The following USH2A variants were observed in gnomAD, a reference collection of about 807,000 sequenced individuals.
USH2A encodes the protein usherin, also known as Usher syndrome 2A (autosomal recessive, mild).
A neutral mutation model predicts 538.9 loss-of-function variants in USH2A; 443 were observed. The observed-to-expected ratio is 0.82, with a 90% CI of 0.76 to 0.89. The LOEUF is 0.89. USH2A is among the 40% of genes least tolerant of loss of function. The probability of loss-of-function intolerance (pLI) is 0.00; values close to 1 mark genes in which losing one functional copy is unlikely to be tolerated. For missense variants in USH2A, 6,633 were observed against 6,324.8 expected (o/e 1.05, Z -1.65); for synonymous variants, 2,413 against 2,273.5 (o/e 1.06, Z -1.75).
At chr1:216,097,574 A>G (rs574581537) in intron 21 of USH2A, among the ~76,000 whole-genome samples, 138 of 152,240 alleles carry the variant, frequency 9.1e-4, no homozygotes, top group Non-Finnish European at 1.7e-3. Context: ...ACAAGAGTGA[A>G]AGAAACACAG....
At chr1:215,800,807 A>G (rs11120638) in intron 49 of USH2A, among the ~76,000 whole-genome samples, 13,556 of 152,158 alleles carry the variant, frequency 0.089, 639 homozygotes, top group East Asian at 0.19. Flanking sequence ...CTAGAAACAT[A>G]CAACTTACCA....
Position 215,922,341 on chromosome 1 carries a change from A to G in USH2A, c.7300+12275T>C, listed in dbSNP as rs75826715. On this transcript the variant is annotated intron_variant, in intron 38 of 71. Coordinates refer to ENST00000307340, the MANE Select transcript of USH2A (RefSeq NM_206933.4). ...CCACAGGTAGAACTCAACATCTGGA[A>G]TTGGTTATCTTTGGTATCTGTTCCT... Among the ~76,000 whole-genome samples the G allele has an allele frequency of 7.8e-3, 1,193 of 152,184 alleles. 10 individuals are homozygous for G. Among genetic ancestry groups the G allele is most frequent in the African/African-American group, 0.027 (1,113 of 41,546 alleles).
At chr1:215,910,542 CATAAT>C (rs1665755135) in intron 38 of USH2A, among the ~76,000 whole-genome samples, 1 of 147,588 alleles carries the variant, frequency 6.8e-6, no homozygotes, top group African/African-American at 2.6e-5. Flanking sequence ...ATAATATATA[CATAAT>C]ATAATAAAGT....
At chr1:216,146,547 C>G (rs1274895156) in intron 21 of USH2A, among the ~76,000 whole-genome samples, 1 of 152,130 alleles carries the variant, frequency 6.6e-6, no homozygotes, top group African/African-American at 2.4e-5. Flanking sequence ...ACCCCTCAAC[C>G]CCTTCTCCTT....
At chr1:216,333,258 G>A (rs1268598646) in intron 4 of USH2A, among the ~76,000 whole-genome samples, 1 of 151,864 alleles carries the variant, frequency 6.6e-6, no homozygotes, top group South Asian at 2.1e-4. Context: ...CCTGGGAAAC[G>A]TAGTGAGACC....
At chr1:216,404,425 A>T (rs11117569) in intron 3 of USH2A, among the ~76,000 whole-genome samples, 113,768 of 151,836 alleles carry the variant, frequency 0.75, 42,845 homozygotes, top group East Asian at 0.84. Context: ...GAACATGTGG[A>T]ATTGGTGGAA....
intron 39 of USH2A, 33 bp downstream of exon 39, chr1:215,900,722 C>G (rs751804815): frequency 6.2e-7 from 1 of 1,613,154 alleles, no homozygotes; most frequent in African/African-American, 1.3e-5. Context: ...TTGTATAACC[C>G]AGCTGATAGA....
chr1:215,813,115 A>T (rs1662743667), intron 49 of USH2A, among the ~76,000 whole-genome samples: 1 of 152,228 alleles, frequency 6.6e-6, no homozygotes, highest in East Asian at 1.9e-4. Flanking sequence ...AGTTATTATT[A>T]GCATCATTCC....
chr1:215,708,594 ATTAG>A (rs1330119270), intron 61 of USH2A, among the ~76,000 whole-genome samples: 1 of 152,144 alleles, frequency 6.6e-6, no homozygotes, highest in Non-Finnish European at 1.5e-5. Context: ...ATCATCAGGT[ATTAG>A]TTAGATTCTC....
intron 35 of USH2A, among the ~76,000 whole-genome samples, chr1:215,991,958 C>A (rs1207170439): frequency 6.6e-6 from 1 of 152,046 alleles, no homozygotes; most frequent in African/African-American, 2.4e-5. Flanking sequence ...TTTATTTTTT[C>A]TTGGAAAATT....
chr1:216,198,080 G>A (rs559970396), intron 18 of USH2A, among the ~76,000 whole-genome samples: 23 of 151,954 alleles, frequency 1.5e-4, no homozygotes, highest in South Asian at 6.2e-4. Context: ...AGCCATTTTC[G>A]CCCCATGAAT....
chr1:216,352,405 A>G (rs1224184081), intron 4 of USH2A, among the ~76,000 whole-genome samples: 1 of 152,194 alleles, frequency 6.6e-6, no homozygotes, highest in Admixed American at 6.6e-5. Context: ...TTAATAGGTC[A>G]AAAAGATAAA....
intron 22 of USH2A, among the ~76,000 whole-genome samples, chr1:216,093,367 C>T (rs943631683): frequency 1.3e-5 from 2 of 152,172 alleles, no homozygotes; most frequent in Non-Finnish European, 2.9e-5. Flanking sequence ...AAACTAATAG[C>T]AGTGACGAGT....
intron 4 of USH2A, among the ~76,000 whole-genome samples, chr1:216,352,727 G>A (rs2038310253): frequency 6.6e-6 from 1 of 152,026 alleles, no homozygotes; most frequent in African/African-American, 2.4e-5. Context: ...AGTAAATTGG[G>A]GAAAAATGAG....
rs543313831 is a variant in USH2A at position 216,308,662 on chromosome 1, C to A, written c.1644+13221G>T. ...TTTTTAATAAGAGATGTATTAAATT[C>A]TTCTATGCTGATGGTAGAACTTGCC... is the stretch of plus-strand genomic sequence containing the variant. On this transcript the variant is annotated intron_variant, in intron 9 of 71. Transcript: ENST00000307340. Among the ~76,000 whole-genome samples, 6 of 152,180 alleles carry A rather than the reference C, an allele frequency of 3.9e-5. No individual in the cohort carries two copies. In the South Asian group the frequency reaches 1.2e-3, roughly 32 times the overall value.
At chr1:215,708,028 A>T (rs1659231653) in intron 61 of USH2A, among the ~76,000 whole-genome samples, 1 of 152,218 alleles carries the variant, frequency 6.6e-6, no homozygotes, top group South Asian at 2.1e-4. Flanking sequence ...AAGGGAATTT[A>T]TAATAAGCAA....
intron 44 of USH2A, among the ~76,000 whole-genome samples, chr1:215,846,891 G>A (rs1052315334): frequency 6.6e-6 from 1 of 152,130 alleles, no homozygotes; most frequent in African/African-American, 2.4e-5. Context: ...TATATACATT[G>A]TCAATGTAGC....
intron 14 of USH2A, among the ~76,000 whole-genome samples, chr1:216,229,165 G>A (rs543046817): frequency 1.3e-5 from 2 of 151,342 alleles, no homozygotes; most frequent in South Asian, 4.2e-4. Flanking sequence ...CAGAGTGTGA[G>A]ACTCTGTCCA....
intron 55 of USH2A, among the ~76,000 whole-genome samples, chr1:215,771,436 C>T (rs986949198): frequency 3.3e-5 from 5 of 150,742 alleles, no homozygotes; most frequent in Admixed American, 6.6e-5. Flanking sequence ...AAAAATTAGC[C>T]GGGCGTAGTG....
Sources: gnomAD v4.1 joint callset for allele counts (sites outside exome capture counted in the v4.1 genomes callset) on GRCh38, gnomAD v4.1.1 for gene constraint, MANE v1.5 for transcripts, NCBI Gene and HGNC (gene_info 2026-07-23, HGNC 2026-07-21) for gene names.